ABCA13: variants seen among roughly 807,000 people sequenced by gnomAD.
The protein encoded by ABCA13 is ATP-binding cassette sub-family A member 13.
ABCA13 carries 476 observed loss-of-function variants against 478.7 expected under a neutral mutation model. That is an observed-to-expected ratio of 0.99 (90% CI 0.92 to 1.07). The LOEUF (loss-of-function observed/expected upper bound fraction) is 1.07. ABCA13 is among the 50% of genes least tolerant of loss of function. The pLI is 0.00. For synonymous variants in ABCA13, 2,252 were observed against 2,158.9 expected (o/e 1.04, Z -1.20); for missense variants, 6,060 against 5,910.6 (o/e 1.03, Z -0.83).
At chr7:48,354,624 T>A (rs947496578) in intron 31 of ABCA13, among the ~76,000 whole-genome samples, 2 of 152,104 alleles carry the variant, frequency 1.3e-5, no homozygotes, top group Non-Finnish European at 2.9e-5. Flanking sequence ...TTACCTCTCT[T>A]ATTCTACTAC....
At position 48,174,311 on chromosome 7, in the gene ABCA13, T is replaced by A. The variant is rs553251100; in HGVS notation, c.69+2759T>A. 1.2e-4 allele frequency among the ~76,000 whole-genome samples: 18 copies of A among 152,298 alleles called. No individual in the cohort carries two copies. The East Asian group carries it at 2.5e-3, about 21-fold the overall frequency. On this transcript the variant is annotated intron_variant, in intron 1 of 61. Coordinates refer to ENST00000435803, the MANE Select transcript of ABCA13 (RefSeq NM_152701.5). ...TTACTGTTTTTTTTAGCTTTTTTTTTAAATTGATGCATAATAGATGTACAT... is the reference window on the plus strand; with the variant it reads ...TTACTGTTTTTTTTAGCTTTTTTTTAAAATTGATGCATAATAGATGTACAT...
chr7:48,278,925 A>C lies in ABCA13; in HGVS notation c.7731A>C (p.Lys2577Asn), dbSNP rs761146286. The part of the protein sequence containing the change: ...QNLVKEIATL[K>N]KIDHFTFEKI... Reference sequence around the variant, plus strand: ...TTGTGAAAGAAATAGCTACTTTAAAAAAAATAGATCATTTCACATTTGAAA... The same window carrying C: ...TTGTGAAAGAAATAGCTACTTTAAACAAAATAGATCATTTCACATTTGAAA... The change falls in exon 18 of 62, where the codon AAA becomes AAC. Residue 2577 changes from lysine (K) to asparagine (N), a missense_variant. By Grantham distance (94) the Lys-to-Asn change is moderately conservative. Around this residue, in one of 3 missense-constraint regions of ABCA13, gnomAD observed 4,423 missense variants for 4,309.1 expected, o/e 1.03. Transcript: ENST00000435803. 6.2e-7 allele frequency: 1 copy of C among 1,613,356 alleles called. No homozygotes were observed. Among genetic ancestry groups the C allele is most frequent in the South Asian group, 1.1e-5 (1 of 91,068 alleles).
At chr7:48,467,097 G>T in intron 44 of ABCA13, 52 bp downstream of exon 44, 1 of 1,520,544 alleles carries the variant, frequency 6.6e-7, no homozygotes, top group Non-Finnish European at 9.1e-7. Flanking sequence ...TGGTAATATT[G>T]TAGCCTGGGA....
chr7:48,334,990 A>G (rs1468201370), intron 27 of ABCA13, among the ~76,000 whole-genome samples: 1 of 152,224 alleles, frequency 6.6e-6, no homozygotes, highest in Non-Finnish European at 1.5e-5. Flanking sequence ...GTCTTATGCC[A>G]GTGTACTCTG....
At chr7:48,330,515 C>CCATA (rs1327963914) in intron 27 of ABCA13, among the ~76,000 whole-genome samples, 1 of 150,130 alleles carries the variant, frequency 6.7e-6, no homozygotes, top group Non-Finnish European at 1.5e-5. Flanking sequence ...ATCCATCCAT[C>CCATA]CATCCATATA....
At chr7:48,622,085 A>G (rs10268266) in intron 59 of ABCA13, among the ~76,000 whole-genome samples, 114,124 of 151,976 alleles carry the variant, frequency 0.75, 43,954 homozygotes, top group African/African-American at 0.93. Context: ...TCCCACCCTT[A>G]TGACCCTCTG....
chr7:48,409,926 CAAAAAAA>C (rs58737850), intron 39 of ABCA13, among the ~76,000 whole-genome samples: 1 of 124,128 alleles, frequency 8.1e-6, no homozygotes, highest in African/African-American at 3.0e-5. Context: ...CTAAAAATAC[CAAAAAAA>C]AAAAAAAAAA....
At chr7:48,523,033 A>T (rs1832660753) in intron 53 of ABCA13, among the ~76,000 whole-genome samples, 1 of 152,236 alleles carries the variant, frequency 6.6e-6, no homozygotes, top group Non-Finnish European at 1.5e-5. Flanking sequence ...ATTTTCACAA[A>T]TTGAACACAT....
At chr7:48,203,213 C>T (rs1479235153) in intron 3 of ABCA13, among the ~76,000 whole-genome samples, 2 of 150,902 alleles carry the variant, frequency 1.3e-5, no homozygotes, top group Non-Finnish European at 3.0e-5. Flanking sequence ...CGAGTGCGGG[C>T]GGGGCCCGCC....
At chr7:48,637,835 C>T (rs367929757) in intron 59 of ABCA13, among the ~76,000 whole-genome samples, 1 of 152,136 alleles carries the variant, frequency 6.6e-6, no homozygotes, top group East Asian at 1.9e-4. Context: ...ATATTGTTTT[C>T]ATTACACCAA....
At chr7:48,297,431 T>A (rs757748560) in intron 22 of ABCA13, 120 bp downstream of exon 22, 424 of 990,380 alleles carry the variant, frequency 4.3e-4, no homozygotes, top group Non-Finnish European at 5.9e-4. Context: ...ACATAATCAT[T>A]TACAACTTGG....
In ABCA13 at chr7:48,403,714, CA is replaced by C; in HGVS notation, c.11906del (p.Gln3969ArgfsTer12). On this transcript the variant is annotated frameshift_variant, in exon 39 of 62. Coordinates refer to ENST00000435803, the MANE Select transcript of ABCA13 (RefSeq NM_152701.5). LOFTEE classifies it high-confidence loss of function. ...TLQDVDLTQHQHKQTRALSGG... is the reference protein window; with the variant it reads ...TLQDVDLTQHXHKQTRALSGG... ...TCAGGATGTGGACTTAACTCAGCAT[CA>C]GCACAAACAGACCCGAGCTCTGTCT... 1 of 1,613,988 alleles carries C rather than the reference CA, an allele frequency of 6.2e-7. No homozygotes were observed. Among genetic ancestry groups the C allele is most frequent in the Non-Finnish European group, 8.5e-7 (1 of 1,179,874 alleles).
intron 43 of ABCA13, among the ~76,000 whole-genome samples, chr7:48,461,779 C>T (rs1171299498): frequency 2.0e-5 from 3 of 152,128 alleles, no homozygotes; most frequent in Admixed American, 1.3e-4. Flanking sequence ...TCATTGTGGA[C>T]AGTGAACTCA....
At chr7:48,458,868 T>C (rs746152860) in intron 43 of ABCA13, among the ~76,000 whole-genome samples, 7 of 152,122 alleles carry the variant, frequency 4.6e-5, no homozygotes, top group Non-Finnish European at 4.4e-5. Flanking sequence ...ACGCATGACA[T>C]CCACAGGGCT....
intron 45 of ABCA13, among the ~76,000 whole-genome samples, chr7:48,478,948 CTT>C (rs71227263): frequency 0.26 from 34,920 of 134,244 alleles, 4,323 homozygotes; most frequent in Middle Eastern, 0.35. Context: ...AAAATCTACT[CTT>C]TTTTTTTTTT....
intron 8 of ABCA13, 27 bp from the exon 9 acceptor site, chr7:48,239,214 C>T (rs1278245949): frequency 3.7e-6 from 6 of 1,612,268 alleles, no homozygotes; most frequent in South Asian, 1.1e-5. Context: ...AGCTTTATGT[C>T]TAAATATTTT....
chr7:48,203,015 G>A (rs1258902067), intron 3 of ABCA13, among the ~76,000 whole-genome samples: 2 of 152,222 alleles, frequency 1.3e-5, no homozygotes, highest in Non-Finnish European at 2.9e-5. Context: ...GGAGGTGGGG[G>A]AAGGCTCAGG....
intron 41 of ABCA13, among the ~76,000 whole-genome samples, chr7:48,417,962 T>C (rs1293146680): frequency 2.0e-5 from 3 of 152,230 alleles, no homozygotes; most frequent in Non-Finnish European, 2.9e-5. Flanking sequence ...TTGGCTTCTT[T>C]ATCTTAGTAA....
chr7:48,409,040 T>G (rs1368508088), intron 39 of ABCA13, among the ~76,000 whole-genome samples: 1 of 152,248 alleles, frequency 6.6e-6, no homozygotes, highest in Non-Finnish European at 1.5e-5. Context: ...TTTTGACACA[T>G]GAACACGTTG....
Sources: allele counts gnomAD v4.1 joint callset (sites outside exome capture counted in the v4.1 genomes callset), GRCh38; gene constraint gnomAD v4.1.1; regional missense constraint gnomAD v4.1.1; transcripts MANE v1.5; gene names NCBI Gene and HGNC (gene_info 2026-07-23, HGNC 2026-07-21).